The following RARB variants were observed in gnomAD, a reference collection of about 807,000 sequenced individuals.
RARB encodes HBV-activated protein.
In RARB, 17 loss-of-function variants were observed where a neutral mutation model predicts 51.9. That is an observed-to-expected ratio of 0.33 (90% CI 0.22 to 0.49). The LOEUF is 0.49. Among genes scored for constraint, RARB ranks in the 20% least tolerant of loss-of-function variants. The pLI, the probability that RARB is intolerant of heterozygous loss-of-function variation, is 0.99. For synonymous variants in RARB, 215 were observed against 195.4 expected (o/e 1.10, Z -0.84); for missense variants, 369 against 550.8 (o/e 0.67, Z 3.30).
At position 24,981,470 on chromosome 3, in the gene RARB, T is replaced by C. The variant is rs549282632; in HGVS notation, c.-379-78655T>C. 6.6e-5 allele frequency among the ~76,000 whole-genome samples: 10 copies of C among 152,242 alleles called. No homozygotes were observed. The South Asian group carries it at 1.0e-3, about 16-fold the overall frequency. On this transcript the variant is annotated intron_variant, in intron 2 of 11. Transcript: ENST00000383772. The stretch of plus-strand genomic sequence containing the variant: ...CCTCTTTGTTTACACTGTGAGCATA[T>C]AACTGCCTACTCAAGCCTCAGTGGA...
At chr3:25,280,394 TG>T (rs749588431) in intron 5 of RARB, among the ~76,000 whole-genome samples, 1 of 152,160 alleles carries the variant, frequency 6.6e-6, no homozygotes, top group Non-Finnish European at 1.5e-5. Flanking sequence ...CTGCTTCTGC[TG>T]TTTTCTCAAA....
intron 5 of RARB, among the ~76,000 whole-genome samples, chr3:25,316,524 A>G (rs542897727): frequency 1.3e-5 from 2 of 152,312 alleles, no homozygotes; most frequent in Admixed American, 6.5e-5. Flanking sequence ...TAATTCAGAT[A>G]TATCTATAGA....
chr3:25,238,235 A>G (rs749255539), intron 5 of RARB, among the ~76,000 whole-genome samples: 14 of 151,902 alleles, frequency 9.2e-5, no homozygotes, highest in Non-Finnish European at 1.8e-4. Flanking sequence ...GTTCCTACAT[A>G]TGAATGAAAA....
At chr3:25,474,574 G>C (rs561620420) in intron 2 of RARB, among the ~76,000 whole-genome samples, 3 of 152,198 alleles carry the variant, frequency 2.0e-5, no homozygotes, top group East Asian at 3.9e-4. Flanking sequence ...ATTGTTTGAT[G>C]ACATTTATTC....
intron 5 of RARB, among the ~76,000 whole-genome samples, chr3:25,415,450 T>A (rs1258982375): frequency 6.6e-6 from 1 of 151,682 alleles, no homozygotes; most frequent in African/African-American, 2.4e-5. Context: ...TCCAGCACCA[T>A]TTTTTGGAAA....
At chr3:25,413,094 T>A (rs1282335570) in intron 5 of RARB, among the ~76,000 whole-genome samples, 1 of 152,144 alleles carries the variant, frequency 6.6e-6, no homozygotes, top group Non-Finnish European at 1.5e-5. Context: ...GTACCTTTTT[T>A]AAATCCTGAC....
intron 3 of RARB, among the ~76,000 whole-genome samples, chr3:25,122,533 G>C (rs891105338): frequency 6.6e-6 from 1 of 152,110 alleles, no homozygotes; most frequent in Non-Finnish European, 1.5e-5. Context: ...AGGCTGGCTT[G>C]TGGGTGTGTC....
At chr3:25,171,926 C>A (rs936594953) in intron 4 of RARB, among the ~76,000 whole-genome samples, 5 of 150,164 alleles carry the variant, frequency 3.3e-5, no homozygotes, top group Non-Finnish European at 6.0e-5. Context: ...GAAAAAGCAC[C>A]AAAATCATCT....
At chr3:24,908,678 T>TG (rs1293998236) in intron 2 of RARB, among the ~76,000 whole-genome samples, 10 of 147,530 alleles carry the variant, frequency 6.8e-5, no homozygotes, top group Admixed American at 2.0e-4. Context: ...TTTTTTTTTT[T>TG]TTTTTTTTTT....
At chr3:25,052,417 T>C (rs1242441266) in intron 2 of RARB, among the ~76,000 whole-genome samples, 1 of 152,196 alleles carries the variant, frequency 6.6e-6, no homozygotes. Flanking sequence ...ATTTGAATTG[T>C]ATATAAAAAA....
At chr3:25,505,285 A>G (rs1051256572) in intron 3 of RARB, among the ~76,000 whole-genome samples, 14 of 152,180 alleles carry the variant, frequency 9.2e-5, no homozygotes, top group Admixed American at 4.6e-4. Flanking sequence ...GAGAAAGTCT[A>G]TATTCAAACT....
At chr3:24,967,220 C>T (rs1278908050) in intron 2 of RARB, among the ~76,000 whole-genome samples, 1 of 152,050 alleles carries the variant, frequency 6.6e-6, no homozygotes, top group Admixed American at 6.6e-5. Flanking sequence ...TCTCGTTGGT[C>T]ACAGTTGGTA....
intron 1 of RARB, among the ~76,000 whole-genome samples, chr3:25,430,988 C>CTTTTT (rs11360533): frequency 2.9e-5 from 3 of 105,196 alleles, no homozygotes; most frequent in Admixed American, 9.9e-5. Context: ...AAAACTAAAA[C>CTTTTT]TTTTTTTTTT....
chr3:25,201,876 A>G lies in RARB; in HGVS notation c.178+27301A>G, dbSNP rs527339288. Among the ~76,000 whole-genome samples, 681 of 146,436 alleles carry G rather than the reference A, an allele frequency of 4.7e-3. 8 individuals are homozygous for G. Among genetic ancestry groups the G allele is most frequent in the African/African-American group, 0.016 (635 of 38,622 alleles). ...TTTTGCATCGATGTTCATCAGGGAT[A>G]TTGGTCTACAATTCTCTTTTTTTGT... On this transcript the variant is annotated intron_variant, in intron 5 of 11. Coordinates refer to the RARB transcript ENST00000383772.
At chr3:25,150,873 A>C (rs967379348) in intron 4 of RARB, among the ~76,000 whole-genome samples, 2 of 152,204 alleles carry the variant, frequency 1.3e-5, no homozygotes, top group African/African-American at 2.4e-5. Context: ...AACGGTGTGC[A>C]TGGGAATAGT....
chr3:25,112,104 T>C (rs1699612073), intron 3 of RARB, among the ~76,000 whole-genome samples: 1 of 152,206 alleles, frequency 6.6e-6, no homozygotes, highest in Admixed American at 6.5e-5. Flanking sequence ...ATAATAATTT[T>C]AAATAAAAGA....
rs992814114 is a variant in RARB at position 24,944,754 on chromosome 3, C to G, written c.-380+86002C>G. On this transcript the variant is annotated intron_variant, in intron 2 of 11. Coordinates refer to the RARB transcript ENST00000383772. Reference sequence around the variant, plus strand: ...AATGGTATTCTAAGTAGAACAGGTACAAGCATATTCTTAACCATCTGGATG... The same window carrying G: ...AATGGTATTCTAAGTAGAACAGGTAGAAGCATATTCTTAACCATCTGGATG... Among the ~76,000 whole-genome samples the G allele has an allele frequency of 2.0e-5, 3 of 152,286 alleles. No homozygotes were observed. The South Asian group carries it at 6.2e-4, about 32-fold the overall frequency.
At chr3:25,435,944 C>A (rs569215266) in intron 1 of RARB, among the ~76,000 whole-genome samples, 1 of 152,134 alleles carries the variant, frequency 6.6e-6, no homozygotes, top group Non-Finnish European at 1.5e-5. Context: ...AAAAAAATCA[C>A]GATTAATGCC....
rs1216937497 is a variant in RARB at position 24,880,530 on chromosome 3, A to G, written c.-380+21778A>G. On this transcript the variant is annotated intron_variant, in intron 2 of 11. Coordinates refer to the RARB transcript ENST00000383772. ...TCTTCTTAATGATATGTAAAGAGATAGAAAACAGGAGAAAAATCTTAGAAA... is the reference window on the plus strand; with the variant it reads ...TCTTCTTAATGATATGTAAAGAGATGGAAAACAGGAGAAAAATCTTAGAAA... Among the ~76,000 whole-genome samples the G allele has an allele frequency of 3.9e-5, 6 of 152,192 alleles. No homozygotes were observed. In the East Asian group the frequency reaches 9.7e-4, roughly 24 times the overall value.
Sources: gnomAD v4.1 joint callset for allele counts (sites outside exome capture counted in the v4.1 genomes callset) on GRCh38, gnomAD v4.1.1 for gene constraint, MANE v1.5 for transcripts, NCBI Gene and HGNC (gene_info 2026-07-23, HGNC 2026-07-21) for gene names.